The following ARAP2 variants were observed in gnomAD, a reference collection of about 807,000 sequenced individuals.
ARAP2 encodes the protein ArfGAP with RhoGAP domain, ankyrin repeat and PH domain 2.
In ARAP2, 148 loss-of-function variants were observed where a neutral mutation model predicts 194.5. That is an observed-to-expected ratio of 0.76 (90% CI 0.67 to 0.87). The LOEUF is 0.87. ARAP2 is among the 40% of genes least tolerant of loss of function. The probability of loss-of-function intolerance (pLI) is 0.00; values close to 1 mark genes in which losing one functional copy is unlikely to be tolerated. For synonymous variants in ARAP2, 695 were observed against 683.5 expected (o/e 1.02, Z -0.26); for missense variants, 2,128 against 1,989.7 (o/e 1.07, Z -1.32).
chr4:36,197,977 G>C (rs1420434242), intron 6 of ARAP2, among the ~76,000 whole-genome samples: 2 of 152,126 alleles, frequency 1.3e-5, no homozygotes, highest in African/African-American at 2.4e-5. Context: ...CCCATAACAT[G>C]ATGAGAAGGC....
At chr4:36,130,364 G>C (rs1029833012) in intron 20 of ARAP2, among the ~76,000 whole-genome samples, 1 of 151,758 alleles carries the variant, frequency 6.6e-6, no homozygotes, top group Non-Finnish European at 1.5e-5. Context: ...CTTTTATATT[G>C]ATCAACTCCT....
chr4:36,064,902 G>A (rs1186830908), downstream of ARAP2, among the ~76,000 whole-genome samples: 2 of 152,222 alleles, frequency 1.3e-5, no homozygotes, highest in Admixed American at 6.5e-5. Flanking sequence ...TGGAGATGAT[G>A]AGAAAGGAGA....
At chr4:36,231,768 G>A (rs950492444) in intron 1 of ARAP2, among the ~76,000 whole-genome samples, 3 of 151,916 alleles carry the variant, frequency 2.0e-5, no homozygotes, top group Admixed American at 6.6e-5. Context: ...GTATTCCCAA[G>A]TCCACCTTTG....
At chr4:36,223,902 G>A (rs192313956) in intron 2 of ARAP2, among the ~76,000 whole-genome samples, 21 of 152,100 alleles carry the variant, frequency 1.4e-4, no homozygotes, top group Non-Finnish European at 2.9e-4. Context: ...CCCAGTCTAC[G>A]GTATTTCGTC....
chr4:36,134,529 A>G (rs1028920331), intron 19 of ARAP2, among the ~76,000 whole-genome samples: 1 of 151,518 alleles, frequency 6.6e-6, no homozygotes, highest in Non-Finnish European at 1.5e-5. Flanking sequence ...TCCTTTCCCA[A>G]TTCTCAACCC....
At chr4:36,124,483 T>C (rs972518456) in intron 22 of ARAP2, among the ~76,000 whole-genome samples, 3 of 151,886 alleles carry the variant, frequency 2.0e-5, no homozygotes, top group African/African-American at 7.2e-5. Context: ...ACTGGATCAA[T>C]AGCCTGATAC....
At chr4:36,240,867 G>A (rs980431615) in intron 1 of ARAP2, among the ~76,000 whole-genome samples, 2 of 152,118 alleles carry the variant, frequency 1.3e-5, no homozygotes, top group African/African-American at 4.8e-5. Context: ...ATCCAGTGAA[G>A]GCCACAAGTA....
At chr4:36,028,546 G>T (rs987025667) in intron 5 of ARAP2, among the ~76,000 whole-genome samples, 5 of 150,552 alleles carry the variant, frequency 3.3e-5, no homozygotes, top group African/African-American at 7.3e-5. Flanking sequence ...TTTCCTATTC[G>T]ATTTGTAAAT....
intron 11 of ARAP2, among the ~76,000 whole-genome samples, chr4:36,161,935 C>T (rs1384199500): frequency 2.0e-5 from 3 of 151,784 alleles, no homozygotes; most frequent in Non-Finnish European, 2.9e-5. Flanking sequence ...GGTGAAACCC[C>T]GTCTCTACTA....
chr4:36,050,655 C>T (rs985380802), intron 3 of ARAP2, among the ~76,000 whole-genome samples: 4 of 152,142 alleles, frequency 2.6e-5, no homozygotes, highest in African/African-American at 9.7e-5. Flanking sequence ...GAAGATCACA[C>T]AAAAGTAGTT....
rs370246628 is a variant in ARAP2 at position 36,161,420 on chromosome 4, A to G, written c.2259+45T>C. The G allele has an allele frequency of 3.0e-5, 46 of 1,523,148 alleles. No individual in the cohort carries two copies. The East Asian group carries it at 9.0e-4, about 30-fold the overall frequency. The allele number at this position is 1,523,148 out of a possible 1,614,324, so 94.4% of individuals were successfully genotyped here. ...AGCAAACCTCCTCCCAGTCTCTGCA[A>G]ACTGAACCCCTATCACAACCCCATT... On this transcript the variant is annotated intron_variant, in intron 12 of 32. Coordinates refer to ENST00000303965, the MANE Select transcript of ARAP2 (RefSeq NM_015230.4).
intron 16 of ARAP2, among the ~76,000 whole-genome samples, chr4:36,150,624 G>C (rs1730736553): frequency 1.3e-5 from 2 of 151,754 alleles, no homozygotes; most frequent in South Asian, 4.2e-4. Flanking sequence ...CTGGGTGATA[G>C]AGCGAGACTC....
intron 19 of ARAP2, among the ~76,000 whole-genome samples, chr4:36,137,296 A>G (rs919143620): frequency 6.6e-6 from 1 of 151,878 alleles, no homozygotes; most frequent in Non-Finnish European, 1.5e-5. Context: ...CAAAAATGGA[A>G]ATAAGTTGAA....
chr4:36,073,674 A>G lies in ARAP2; in HGVS notation c.4743+15T>C, dbSNP rs200636275. 2 of 1,608,698 alleles carry G rather than the reference A, an allele frequency of 1.2e-6. No homozygotes were observed. Among genetic ancestry groups the G allele is most frequent in the Admixed American group, 3.4e-5 (2 of 59,524 alleles). ...TTCTATAATTGAATATAAAACAAAC[A>G]AAATCCTAACCTACCTCAATATTTT... On this transcript the variant is annotated intron_variant, in intron 32 of 32. Coordinates refer to ENST00000303965, the MANE Select transcript of ARAP2 (RefSeq NM_015230.4).
intron 10 of ARAP2, chr4:36,006,743 G>A (rs753995721): frequency 4.6e-5 from 7 of 151,994 alleles, no homozygotes; most frequent in Non-Finnish European, 8.8e-5. Flanking sequence ...GTTGGCATTC[G>A]TGCTAAGCAA....
intron 6 of ARAP2, among the ~76,000 whole-genome samples, chr4:36,206,340 G>A (rs1745535223): frequency 6.6e-6 from 1 of 152,134 alleles, no homozygotes; most frequent in Non-Finnish European, 1.5e-5. Context: ...CTAGTTACCT[G>A]TTCTCTGAAC....
intron 32 of ARAP2, among the ~76,000 whole-genome samples, chr4:36,070,701 C>G (rs1726642009): frequency 6.6e-6 from 1 of 152,186 alleles, no homozygotes; most frequent in Non-Finnish European, 1.5e-5. Flanking sequence ...CCAATATGTA[C>G]AGAGTATACT....
intron 7 of ARAP2, among the ~76,000 whole-genome samples, chr4:36,191,019 G>A (rs1741773445): frequency 6.6e-6 from 1 of 152,234 alleles, no homozygotes; most frequent in Non-Finnish European, 1.5e-5. Flanking sequence ...ACCTAAGGAT[G>A]TGGGAAAGGG....
downstream of ARAP2, among the ~76,000 whole-genome samples, chr4:36,062,505 C>G (rs1408662689): frequency 2.0e-5 from 3 of 152,074 alleles, no homozygotes; most frequent in Non-Finnish European, 4.4e-5. Context: ...TTTTGAAAAC[C>G]ATTAGGGTCA....
Sources: allele counts gnomAD v4.1 joint callset (sites outside exome capture counted in the v4.1 genomes callset), GRCh38; gene constraint gnomAD v4.1.1; transcripts MANE v1.5; gene names NCBI Gene and HGNC (gene_info 2026-07-23, HGNC 2026-07-21).